ATXN1: variants seen among roughly 807,000 people sequenced by gnomAD.
The protein encoded by ATXN1 is ataxin-1.
A neutral mutation model predicts 56.4 loss-of-function variants in ATXN1; 8 were observed. The observed-to-expected ratio is 0.14, with a 90% CI of 0.08 to 0.26. The LOEUF is 0.26. ATXN1 is among the 10% of genes least tolerant of loss of function. The pLI is 1.00. For missense variants in ATXN1, 987 were observed against 1,106.5 expected (o/e 0.89, Z 1.53); for synonymous variants, 514 against 494.6 (o/e 1.04, Z -0.52).
intron 2 of ATXN1, among the ~76,000 whole-genome samples, chr6:16,678,386 G>C (rs887885756): frequency 6.6e-6 from 1 of 152,210 alleles, no homozygotes; most frequent in Non-Finnish European, 1.5e-5. Context: ...ATGCCACATA[G>C]TATACCAATC....
At chr6:16,457,774 C>T (rs1487270440) in intron 6 of ATXN1, among the ~76,000 whole-genome samples, 4 of 152,138 alleles carry the variant, frequency 2.6e-5, no homozygotes, top group Admixed American at 2.6e-4. Context: ...CCCTACAGCT[C>T]CCCTTCCTAT....
chr6:16,538,109 G>T (rs796095385), intron 4 of ATXN1, among the ~76,000 whole-genome samples: 1 of 152,178 alleles, frequency 6.6e-6, no homozygotes, highest in Non-Finnish European at 1.5e-5. Flanking sequence ...ACCGGCACAA[G>T]AAATATGTCC....
At chr6:16,535,209 A>G (rs1761574614) in intron 4 of ATXN1, among the ~76,000 whole-genome samples, 1 of 152,150 alleles carries the variant, frequency 6.6e-6, no homozygotes, top group Non-Finnish European at 1.5e-5. Flanking sequence ...GGGAGCTAAT[A>G]TGTGTTGGGC....
chr6:16,702,749 A>G (rs1415878975), intron 2 of ATXN1, among the ~76,000 whole-genome samples: 2 of 152,260 alleles, frequency 1.3e-5, no homozygotes, highest in African/African-American at 2.4e-5. Context: ...ATCACTGGCC[A>G]TCAGAGAAAT....
chr6:16,708,051 T>TG (rs972309850), intron 2 of ATXN1, among the ~76,000 whole-genome samples: 7 of 151,850 alleles, frequency 4.6e-5, no homozygotes, highest in South Asian at 2.1e-4. Flanking sequence ...CAATATGTGG[T>TG]GGGGGGGAAG....
intron 3 of ATXN1, chr6:16,615,829 T>C (rs1371115843): frequency 6.6e-6 from 1 of 151,702 alleles, no homozygotes; most frequent in Admixed American, 6.6e-5. Flanking sequence ...GGTCAGGAGT[T>C]TGAGACCAGC....
At chr6:16,511,380 C>T (rs1761079108) in intron 5 of ATXN1, among the ~76,000 whole-genome samples, 1 of 152,168 alleles carries the variant, frequency 6.6e-6, no homozygotes, top group Admixed American at 6.5e-5. Flanking sequence ...TTATAAATGT[C>T]CAGAGAGCTA....
chr6:16,307,027 A>G (rs145892078), intron 7 of ATXN1, among the ~76,000 whole-genome samples, 168 bp from the exon 8 acceptor site: 134 of 152,358 alleles, frequency 8.8e-4, no homozygotes, highest in Middle Eastern at 3.4e-3. Flanking sequence ...CCCCAGCCAC[A>G]CACTATAAAT....
intron 6 of ATXN1, among the ~76,000 whole-genome samples, chr6:16,395,277 A>AAAAAAAAAAAAAAAAAAAAAAAAAAAAAC: frequency 6.6e-6 from 1 of 150,878 alleles, no homozygotes. Flanking sequence ...TCTCAAAAAA[A>AAAAAAAAAAAAAAAAAAAAAAAAAAAAAC]AAAAAAAAAA....
chr6:16,368,306 AAAAT>A (rs1761968739), intron 6 of ATXN1, among the ~76,000 whole-genome samples: 1 of 151,500 alleles, frequency 6.6e-6, no homozygotes. Flanking sequence ...ATGTGAGAGA[AAAAT>A]AAATGTCTAT....
chr6:16,395,746 A>G (rs1190932029), intron 6 of ATXN1, among the ~76,000 whole-genome samples: 2 of 152,098 alleles, frequency 1.3e-5, no homozygotes, highest in Non-Finnish European at 2.9e-5. Flanking sequence ...GGCCGGGCGC[A>G]GTGGCTCATG....
In ATXN1 at chr6:16,391,260, T is replaced by A. The variant is rs181603240; in HGVS notation, c.-160-62790A>T. Among the ~76,000 whole-genome samples the A allele has an allele frequency of 5.6e-3, 845 of 151,690 alleles. 4 individuals are homozygous for A. Among genetic ancestry groups the A allele is most frequent in the East Asian group, 0.026 (135 of 5,176 alleles). ...TATATTTATAGATTACTATTTTTTT[T>A]TAAAAAAAAGAAGCTCTTCTTTGAA... is the stretch of plus-strand genomic sequence containing the variant. On this transcript the variant is annotated intron_variant, in intron 6 of 7. Transcript: ENST00000436367.
At chr6:16,724,932 T>C (rs1441351010) in intron 2 of ATXN1, among the ~76,000 whole-genome samples, 1 of 152,182 alleles carries the variant, frequency 6.6e-6, no homozygotes, top group African/African-American at 2.4e-5. Flanking sequence ...TCAGTCACTA[T>C]TACCAGCTTC....
At chr6:16,630,263 T>C (rs992138300) in intron 3 of ATXN1, among the ~76,000 whole-genome samples, 8 of 152,248 alleles carry the variant, frequency 5.3e-5, no homozygotes, top group African/African-American at 1.9e-4. Flanking sequence ...AGGAAAAACC[T>C]GTATCTGCCC....
intron 2 of ATXN1, among the ~76,000 whole-genome samples, chr6:16,676,920 C>T (rs1758674011): frequency 6.6e-6 from 1 of 151,868 alleles, no homozygotes; most frequent in Non-Finnish European, 1.5e-5. Flanking sequence ...GTGTTCCTTT[C>T]CTCTTATGTC....
intron 4 of ATXN1, among the ~76,000 whole-genome samples, chr6:16,559,222 T>C (rs1762070433): frequency 6.6e-6 from 1 of 152,180 alleles, no homozygotes. Flanking sequence ...TGGCAAGGTT[T>C]ACCAAAATTA....
intron 3 of ATXN1, among the ~76,000 whole-genome samples, chr6:16,621,757 C>T (rs1199908125): frequency 3.3e-5 from 5 of 151,936 alleles, no homozygotes; most frequent in East Asian, 1.9e-4. Context: ...GTTGATAGCC[C>T]GAAAAGAAGA....
chr6:16,561,123 G>A (rs7771631), intron 4 of ATXN1, among the ~76,000 whole-genome samples: 72,060 of 151,692 alleles, frequency 0.48, 19,675 homozygotes, highest in African/African-American at 0.76. Context: ...GATGACCTTC[G>A]GAAAAATTTC....
At chr6:16,578,611 G>A (rs1347920604) in intron 4 of ATXN1, among the ~76,000 whole-genome samples, 1 of 152,228 alleles carries the variant, frequency 6.6e-6, no homozygotes, top group Non-Finnish European at 1.5e-5. Flanking sequence ...TCTCAGCTGA[G>A]TACTTTCTGA....
Sources: allele counts gnomAD v4.1 joint callset (sites outside exome capture counted in the v4.1 genomes callset), GRCh38; gene constraint gnomAD v4.1.1; transcripts MANE v1.5; gene names NCBI Gene and HGNC (gene_info 2026-07-23, HGNC 2026-07-21).